KCTD8: variants seen among roughly 807,000 people sequenced by gnomAD.
The protein encoded by KCTD8 is BTB/POZ domain-containing protein KCTD8.
A neutral mutation model predicts 31.5 loss-of-function variants in KCTD8; 27 were observed. That is an observed-to-expected ratio of 0.86 (90% confidence interval 0.63 to 1.18). KCTD8 has a LOEUF of 1.18. Ranked by LOEUF, KCTD8 falls within the 50% of genes most tolerant of loss-of-function variation. KCTD8 has a pLI of 0.00. For synonymous variants in KCTD8, 290 were observed against 280.0 expected (o/e 1.04, Z -0.36); for missense variants, 658 against 647.7 (o/e 1.02, Z -0.17).
rs1317053162 is a variant in KCTD8, at chr4:44,447,897, G to C, written c.627C>G (p.Leu209=). 17 of 1,522,488 alleles carry C rather than the reference G, an allele frequency of 1.1e-5. No individual in the cohort carries two copies. In the Admixed American group the frequency reaches 1.4e-4, roughly 13 times the overall value. 94.3% of individuals were successfully genotyped at this position (1,522,488 alleles called of 1,614,324 possible). Reference sequence around the variant, plus strand: ...TGTAGGAGCCCCGGTAGCCCAGCGTGAGGAAGCCCGAGCGCTTGTCCTGCG... The same window carrying C: ...TGTAGGAGCCCCGGTAGCCCAGCGTCAGGAAGCCCGAGCGCTTGTCCTGCG... The part of the protein sequence containing the change: ...GGAQDKRSGF[L]TLGYRGSYTT... Residue 209 remains leucine (L), a synonymous_variant, in exon 1 of 2, where the codon CTC becomes CTG. Transcript: ENST00000360029.
intron 1 of KCTD8, among the ~76,000 whole-genome samples, chr4:44,176,116 T>C (rs1713206907): frequency 6.6e-6 from 1 of 152,238 alleles, no homozygotes; most frequent in Non-Finnish European, 1.5e-5. Context: ...AGAGCTGTTC[T>C]AAAACCTTCA....
chr4:44,202,993 T>C (rs905243943), intron 1 of KCTD8, among the ~76,000 whole-genome samples: 1 of 152,074 alleles, frequency 6.6e-6, no homozygotes, highest in South Asian at 2.1e-4. Context: ...TTTAGTACTT[T>C]TAACAGCTTT....
At chr4:44,334,865 C>T (rs1401828867) in intron 1 of KCTD8, among the ~76,000 whole-genome samples, 1 of 151,982 alleles carries the variant, frequency 6.6e-6, no homozygotes, top group Non-Finnish European at 1.5e-5. Context: ...CAAAATGAAA[C>T]CCAAACATCC....
intron 1 of KCTD8, among the ~76,000 whole-genome samples, chr4:44,221,801 G>A (rs1432459465): frequency 1.3e-5 from 2 of 151,800 alleles, no homozygotes; most frequent in Admixed American, 6.6e-5. Context: ...ATTAGATGGT[G>A]CCCACCCAGA....
At chr4:44,245,458 C>T (rs968386851) in intron 1 of KCTD8, among the ~76,000 whole-genome samples, 46 of 152,180 alleles carry the variant, frequency 3.0e-4, no homozygotes, top group African/African-American at 1.1e-3. Flanking sequence ...CAAATATACA[C>T]AGTGCCTGTG....
intron 1 of KCTD8, among the ~76,000 whole-genome samples, chr4:44,378,212 A>T (rs1719965592): frequency 7.0e-6 from 1 of 142,544 alleles, no homozygotes; most frequent in Non-Finnish European, 1.5e-5. Context: ...ATATATATGT[A>T]TGTATATTTT....
At chr4:44,196,977 C>T (rs545539082) in intron 1 of KCTD8, among the ~76,000 whole-genome samples, 7 of 152,310 alleles carry the variant, frequency 4.6e-5, no homozygotes, top group Admixed American at 2.6e-4. Context: ...ACTCTTGCTT[C>T]CAGCACAGTG....
intron 1 of KCTD8, among the ~76,000 whole-genome samples, chr4:44,215,962 G>T (rs1446838025): frequency 6.6e-6 from 1 of 152,028 alleles, no homozygotes; most frequent in Non-Finnish European, 1.5e-5. Flanking sequence ...ACAGAAGGAG[G>T]CAACTGCTAA....
At chr4:44,329,983 C>T (rs980506662) in intron 1 of KCTD8, among the ~76,000 whole-genome samples, 4 of 151,904 alleles carry the variant, frequency 2.6e-5, no homozygotes, top group African/African-American at 9.6e-5. Context: ...ATCATGGAAC[C>T]TCATATCTCA....
chr4:44,259,087 C>A (rs1267060867), intron 1 of KCTD8, among the ~76,000 whole-genome samples: 1 of 151,858 alleles, frequency 6.6e-6, no homozygotes, highest in Non-Finnish European at 1.5e-5. Context: ...TCTTGGAAGG[C>A]AAAGCAGCCT....
At chr4:44,338,959 G>A (rs1432885266) in intron 1 of KCTD8, among the ~76,000 whole-genome samples, 1 of 152,092 alleles carries the variant, frequency 6.6e-6, no homozygotes, top group Non-Finnish European at 1.5e-5. Context: ...GAACAGGAAA[G>A]CACATTCTGA....
At chr4:44,438,592 T>C (rs1029445017) in intron 1 of KCTD8, among the ~76,000 whole-genome samples, 6 of 152,174 alleles carry the variant, frequency 3.9e-5, no homozygotes, top group African/African-American at 9.7e-5. Flanking sequence ...AGAATAGACT[T>C]ATTTTAAAAA....
At chr4:44,413,862 A>G (rs949368856) in intron 1 of KCTD8, among the ~76,000 whole-genome samples, 1 of 152,180 alleles carries the variant, frequency 6.6e-6, no homozygotes, top group African/African-American at 2.4e-5. Context: ...AAGTCTTTAT[A>G]AACAAAAGAG....
intron 1 of KCTD8, among the ~76,000 whole-genome samples, chr4:44,409,233 A>G (rs1720895054): frequency 6.6e-6 from 1 of 151,998 alleles, no homozygotes; most frequent in South Asian, 2.1e-4. Flanking sequence ...AGTCAAAAAA[A>G]AAAGAGGAAA....
intron 1 of KCTD8, among the ~76,000 whole-genome samples, chr4:44,244,902 G>T (rs1333908702): frequency 1.3e-5 from 2 of 151,180 alleles, no homozygotes; most frequent in African/African-American, 4.9e-5. Context: ...AATTTGTTCT[G>T]CTTTTCTCTT....
chr4:44,388,432 T>C (rs192152088), intron 1 of KCTD8, among the ~76,000 whole-genome samples: 131 of 152,074 alleles, frequency 8.6e-4, no homozygotes, highest in Admixed American at 3.0e-3. Context: ...CTATTTACAA[T>C]AGCAAAGACA....
Position 44,178,000 on chromosome 4 carries a change from GT to G in KCTD8, c.962-2751del, listed in dbSNP as rs199738007. Reference sequence around the variant, plus strand: ...TAGAGGGATGTTACTTGAAGGATCAGTTTTTAGTGGCACCAGATTTATGTGG... The same window carrying G: ...TAGAGGGATGTTACTTGAAGGATCAGTTTTAGTGGCACCAGATTTATGTGG... On this transcript the variant is annotated intron_variant, in intron 1 of 1. Coordinates refer to ENST00000360029, the MANE Select transcript of KCTD8 (RefSeq NM_198353.3). 4.5e-3 allele frequency among the ~76,000 whole-genome samples: 689 copies of G among 152,290 alleles called. 15 individuals are homozygous for G. Among genetic ancestry groups the G allele is most frequent in the Admixed American group, 0.04 (614 of 15,298 alleles).
At chr4:44,359,268 T>G (rs2109429384) in intron 1 of KCTD8, among the ~76,000 whole-genome samples, 1 of 152,188 alleles carries the variant, frequency 6.6e-6, no homozygotes, top group African/African-American at 2.4e-5. Flanking sequence ...ATTGCCCAGG[T>G]TTTCTTCTAG....
At chr4:44,207,244 A>T (rs1714340880) in intron 1 of KCTD8, among the ~76,000 whole-genome samples, 1 of 152,212 alleles carries the variant, frequency 6.6e-6, no homozygotes, top group Non-Finnish European at 1.5e-5. Flanking sequence ...AAAGCTCCAA[A>T]TGCAGTGCAA....
Sources: allele counts gnomAD v4.1 joint callset (sites outside exome capture counted in the v4.1 genomes callset), GRCh38; gene constraint gnomAD v4.1.1; transcripts MANE v1.5; gene names NCBI Gene and HGNC (gene_info 2026-07-23, HGNC 2026-07-21).